Variants in EIF2B3 observed in about 807,000 individuals in gnomAD.
EIF2B3 encodes translation initiation factor eIF2B subunit gamma.
A neutral mutation model predicts 54.1 loss-of-function variants in EIF2B3; 20 were observed. The ratio of observed to expected loss-of-function variants is 0.37; its 90% CI spans 0.26 to 0.54. EIF2B3 has a LOEUF of 0.54. Ranked by LOEUF, EIF2B3 falls within the 20% of genes least tolerant of loss-of-function variation. The pLI, the probability that EIF2B3 is intolerant of heterozygous loss-of-function variation, is 0.86. For synonymous variants in EIF2B3, 153 were observed against 188.1 expected, an observed-to-expected ratio of 0.81 and a Z score of 1.52; for missense variants, 448 against 547.8, an observed-to-expected ratio of 0.82 and a Z score of 1.82.
intron 3 of EIF2B3, among the ~76,000 whole-genome samples, chr1:44,942,639 G>A (rs1252152978): frequency 6.1e-5 from 9 of 148,350 alleles, no homozygotes; most frequent in Non-Finnish European, 1.3e-4. Flanking sequence ...TGTTGCCTAG[G>A]CTAGTCTCAA....
chr1:44,958,632 A>G, intron 3 of EIF2B3: 1 of 1,559,556 alleles, frequency 6.4e-7, no homozygotes, highest in Non-Finnish European at 8.8e-7. Context: ...TGCATGGGTC[A>G]CTGCCTGCTC....
At chr1:44,925,028 G>T (rs1643824659) in intron 5 of EIF2B3, 1 of 152,120 alleles carries the variant, frequency 6.6e-6, no homozygotes, top group Middle Eastern at 3.2e-3. Context: ...TCTGAGACCA[G>T]CTACCATGTA....
At chr1:44,865,845 G>A (rs948914186) in intron 10 of EIF2B3, among the ~76,000 whole-genome samples, 1 of 152,056 alleles carries the variant, frequency 6.6e-6, no homozygotes, top group Non-Finnish European at 1.5e-5. Flanking sequence ...TGAGATTACA[G>A]GCATGAGCCA....
At chr1:44,887,739 TA>T (rs1655642877) in intron 6 of EIF2B3, among the ~76,000 whole-genome samples, 1 of 152,170 alleles carries the variant, frequency 6.6e-6, no homozygotes, top group Admixed American at 6.5e-5. Context: ...ACACCATCTC[TA>T]TTAAAAGTAC....
Position 44,926,620 on chromosome 1 carries a change from G to A in EIF2B3, c.566+8C>T. The A allele has an allele frequency of 6.2e-7, 1 of 1,610,880 alleles. No individual in the cohort carries two copies. The highest frequency in any genetic ancestry group is 1.1e-5 in the South Asian group (1 of 91,030). ...AGAATTGCCAGAAGAAAAAACCCTA[G>A]GGCTTACTTCTGTAGGATGGATCCC... On this transcript the variant is annotated splice_region_variant and intron_variant, in intron 5 of 11. Coordinates refer to ENST00000360403, the MANE Select transcript of EIF2B3 (RefSeq NM_020365.5).
At chr1:44,907,785 G>GT (rs1643442216) in intron 5 of EIF2B3, among the ~76,000 whole-genome samples, 1 of 150,666 alleles carries the variant, frequency 6.6e-6, no homozygotes, top group African/African-American at 2.4e-5. Context: ...CAGCTACTCG[G>GT]TGGCTAAGGC....
intron 11 of EIF2B3, among the ~76,000 whole-genome samples, chr1:44,857,083 G>A (rs1288638252): frequency 6.6e-6 from 1 of 152,140 alleles, no homozygotes; most frequent in Non-Finnish European, 1.5e-5. Context: ...ACTGTGCCTA[G>A]GCTTCAAGAA....
chr1:44,955,193 G>T (rs560069505), intron 3 of EIF2B3, among the ~76,000 whole-genome samples: 1 of 151,972 alleles, frequency 6.6e-6, no homozygotes, highest in Non-Finnish European at 1.5e-5. Context: ...TGGAACAGAG[G>T]CCTCAGAAAT....
chr1:44,897,432 T>C lies in EIF2B3; in HGVS notation c.579A>G (p.Ile193Met). Residue 193 changes from isoleucine (I) to methionine (M), a missense_variant, in exon 6 of 12, where the codon ATA (isoleucine) becomes ATG (methionine). This residue lies in a region of EIF2B3 where 350 missense variants were observed against 414.2 expected (regional missense o/e 0.85). Coordinates refer to ENST00000360403, the MANE Select transcript of EIF2B3 (RefSeq NM_020365.5). ...CATCCACAAGACCCGTGTGGAAACG[T>C]ATTCTAGGATGCCTGCAAAAAAATA... is the stretch of plus-strand genomic sequence containing the variant. ...KGSILQKHPRIRFHTGLVDAH... is the reference protein window; with the variant it reads ...KGSILQKHPRMRFHTGLVDAH... 1 of 1,611,976 alleles carries C rather than the reference T, an allele frequency of 6.2e-7. No individual in the cohort carries two copies. The highest frequency in any genetic ancestry group is 8.5e-7 in the Non-Finnish European group (1 of 1,179,196).
intron 3 of EIF2B3, among the ~76,000 whole-genome samples, chr1:44,946,093 C>A (rs919543477): frequency 2.6e-5 from 4 of 152,140 alleles, no homozygotes. Flanking sequence ...TCTCTCTTTG[C>A]GTTTTGATGA....
intron 5 of EIF2B3, among the ~76,000 whole-genome samples, chr1:44,919,011 T>G (rs185121620): frequency 6.6e-6 from 1 of 152,270 alleles, no homozygotes; most frequent in African/African-American, 2.4e-5. Flanking sequence ...AATCATAATT[T>G]GGGTTAGACT....
intron 3 of EIF2B3, among the ~76,000 whole-genome samples, chr1:44,973,287 G>A (rs918291617): frequency 5.9e-5 from 9 of 152,250 alleles, no homozygotes; most frequent in Non-Finnish European, 1.0e-4. Flanking sequence ...CTAAAATGTG[G>A]AGGCAACCCA....
chr1:44,933,500 C>A (rs536074133), intron 4 of EIF2B3, among the ~76,000 whole-genome samples: 1 of 151,762 alleles, frequency 6.6e-6, no homozygotes, highest in Admixed American at 6.6e-5. Flanking sequence ...GAGTTAAATG[C>A]CAAAAAATTA....
At chr1:44,911,402 A>G (rs1285236232) in intron 5 of EIF2B3, among the ~76,000 whole-genome samples, 1 of 152,222 alleles carries the variant, frequency 6.6e-6, no homozygotes. Flanking sequence ...TCTGCTCTCA[A>G]TGACCCCAGT....
intron 8 of EIF2B3, among the ~76,000 whole-genome samples, chr1:44,877,214 A>AAAAAAAAAC (rs1655220341): frequency 6.7e-6 from 1 of 148,436 alleles, no homozygotes; most frequent in African/African-American, 2.5e-5. Flanking sequence ...AAAAAAAAAA[A>AAAAAAAAAC]AAAAAAAACA....
chr1:44,928,538 A>C (rs948347688), intron 4 of EIF2B3, among the ~76,000 whole-genome samples: 3 of 151,704 alleles, frequency 2.0e-5, no homozygotes, highest in Non-Finnish European at 4.4e-5. Flanking sequence ...TCTGCAAATA[A>C]TAACCTAGGT....
chr1:44,903,303 A>T (rs1242378411), intron 5 of EIF2B3, among the ~76,000 whole-genome samples: 2 of 152,214 alleles, frequency 1.3e-5, no homozygotes, highest in East Asian at 3.8e-4. Context: ...GTCTTTAGTT[A>T]ACAACAAGAT....
At chr1:44,942,414 T>TATATACAC (rs1644043108) in intron 3 of EIF2B3, among the ~76,000 whole-genome samples, 1 of 17,722 alleles carries the variant, frequency 5.6e-5, no homozygotes, top group Non-Finnish European at 1.0e-4. Context: ...TATATATATA[T>TATATACAC]ATATTTTTTT....
At chr1:44,943,554 G>A (rs568007480) in intron 3 of EIF2B3, among the ~76,000 whole-genome samples, 1 of 151,100 alleles carries the variant, frequency 6.6e-6, no homozygotes, top group South Asian at 2.1e-4. Context: ...CTAGTAGCTG[G>A]GACTACAGGC....
Sources: gnomAD v4.1 joint callset for allele counts (sites outside exome capture counted in the v4.1 genomes callset) on GRCh38, gnomAD v4.1.1 for gene constraint, gnomAD v4.1.1 regional missense constraint, MANE v1.5 for transcripts, NCBI Gene and HGNC (gene_info 2026-07-23, HGNC 2026-07-21) for gene names.